Variants in INVS observed in about 807,000 individuals in gnomAD.
INVS encodes inversion of embryo turning homolog.
INVS carries 86 observed loss-of-function variants against 108.8 expected under a neutral mutation model. That is an observed-to-expected ratio of 0.79 (90% CI 0.66 to 0.95). INVS has a LOEUF of 0.95. INVS is among the 40% of genes least tolerant of loss of function. The probability of loss-of-function intolerance (pLI) is 0.00; values close to 1 mark genes in which losing one functional copy is unlikely to be tolerated. For synonymous variants in INVS, 455 were observed against 473.5 expected (o/e 0.96, Z 0.51); for missense variants, 1,169 against 1,297.4 (o/e 0.90, Z 1.52).
chr9:100,253,280 A>G, intron 10 of INVS, 144 bp downstream of exon 10: 1 of 658,944 alleles, frequency 1.5e-6, no homozygotes, highest in Non-Finnish European at 2.7e-6. Flanking sequence ...TTATTTGTCC[A>G]TGTTCTCTTC....
At chr9:100,142,180 A>T (rs2118951232) in intron 3 of INVS, among the ~76,000 whole-genome samples, 1 of 152,260 alleles carries the variant, frequency 6.6e-6, no homozygotes, top group South Asian at 2.1e-4. Flanking sequence ...TTAAAGAGGG[A>T]TTAATGATAG....
intron 14 of INVS, among the ~76,000 whole-genome samples, chr9:100,293,380 C>T (rs972701679): frequency 6.6e-6 from 1 of 152,176 alleles, no homozygotes; most frequent in Non-Finnish European, 1.5e-5. Context: ...TGACCCTCTG[C>T]TTCTTCATCT....
Position 100,292,555 on chromosome 9 carries a change from C to T in INVS, c.2298C>T (p.Ser766=). The T allele has an allele frequency of 6.2e-7, 1 of 1,614,152 alleles. No individual in the cohort carries two copies. Among genetic ancestry groups the T allele is most frequent in the South Asian group, 1.1e-5 (1 of 91,080 alleles). The change falls in exon 14 of 17, where the codon AGC becomes AGT. Residue 766 remains serine, a synonymous_variant. Coordinates refer to ENST00000262457, the MANE Select transcript of INVS (RefSeq NM_014425.5). Reference sequence around the variant, plus strand: ...AGGACTCCAGGCGGGCAGCTGCAAGCCTTCCACCGCACGATAGCCACTGGA... The same window carrying T: ...AGGACTCCAGGCGGGCAGCTGCAAGTCTTCCACCGCACGATAGCCACTGGA... ...KGEDSRRAAA[S]LPPHDSHWKP... is the part of the protein sequence containing the mutation.
intron 2 of INVS, among the ~76,000 whole-genome samples, chr9:100,106,777 A>G (rs1012417643): frequency 7.9e-5 from 12 of 152,184 alleles, no homozygotes; most frequent in African/African-American, 2.7e-4. Context: ...TTATAGTCAT[A>G]GCCCAGTCAG....
chr9:100,222,075 A>C (rs1050514419), intron 3 of INVS, among the ~76,000 whole-genome samples: 4 of 152,096 alleles, frequency 2.6e-5, no homozygotes, highest in African/African-American at 9.7e-5. Context: ...ACCTTTTCCT[A>C]ATCTTGGTTC....
At chr9:100,182,191 G>A (rs1829910276) in intron 3 of INVS, among the ~76,000 whole-genome samples, 1 of 152,220 alleles carries the variant, frequency 6.6e-6, no homozygotes, top group African/African-American at 2.4e-5. Context: ...ATACCATTCA[G>A]GACAGAGGCA....
intron 7 of INVS, among the ~76,000 whole-genome samples, chr9:100,245,541 A>G (rs1448986461): frequency 6.6e-6 from 1 of 152,024 alleles, no homozygotes; most frequent in South Asian, 2.1e-4. Context: ...CAGCCTCCCA[A>G]AGTGCTGGGA....
In INVS at chr9:100,234,628, T is replaced by C. The variant is rs556323785; in HGVS notation, c.615+4801T>C. Among the ~76,000 whole-genome samples, 60 of 152,322 alleles carry C rather than the reference T, an allele frequency of 3.9e-4. 1 individual carries two copies. The highest frequency in any genetic ancestry group is 8.3e-4 in the South Asian group (4 of 4,828). On this transcript the variant is annotated intron_variant, in intron 5 of 16. Transcript: ENST00000262457. ...TGCTTTTATTTCATTATTTGCTCAG[T>C]AGTCATTCAGGAGCAGGTTGTTCAG...
intron 5 of INVS, among the ~76,000 whole-genome samples, chr9:100,238,293 C>T (rs1293985160): frequency 6.6e-6 from 1 of 152,090 alleles, no homozygotes; most frequent in East Asian, 1.9e-4. Context: ...TATTTTGCTA[C>T]TTTCTGCCTT....
chr9:100,120,180 A>G (rs1272771767), intron 2 of INVS, among the ~76,000 whole-genome samples: 2 of 152,154 alleles, frequency 1.3e-5, no homozygotes, highest in Non-Finnish European at 2.9e-5. Flanking sequence ...ATTCAGACTT[A>G]TTGGTGCTGC....
intron 3 of INVS, among the ~76,000 whole-genome samples, chr9:100,191,378 A>C (rs1588077053): frequency 6.6e-6 from 1 of 152,034 alleles, no homozygotes; most frequent in East Asian, 1.9e-4. Context: ...CATTTCTTTT[A>C]ATTATATTTT....
At chr9:100,225,524 G>A (rs993513812) in intron 3 of INVS, among the ~76,000 whole-genome samples, 2 of 151,986 alleles carry the variant, frequency 1.3e-5, no homozygotes, top group African/African-American at 2.4e-5. Context: ...TGCTTATTTC[G>A]CATTATTACA....
intron 3 of INVS, among the ~76,000 whole-genome samples, chr9:100,220,222 T>A (rs1831103519): frequency 6.6e-6 from 1 of 152,126 alleles, no homozygotes; most frequent in Admixed American, 6.5e-5. Flanking sequence ...GTTTCCCAGA[T>A]TCCTTTCAAG....
At chr9:100,161,643 A>C (rs185290822) in intron 3 of INVS, among the ~76,000 whole-genome samples, 10 of 152,024 alleles carry the variant, frequency 6.6e-5, no homozygotes, top group Admixed American at 2.0e-4. Context: ...GGATGGATGG[A>C]TGGGTGGGTG....
At chr9:100,175,637 T>A in intron 3 of INVS, 1 of 662,540 alleles carries the variant, frequency 1.5e-6, no homozygotes, top group South Asian at 1.6e-5. Flanking sequence ...ATGGTGTGAC[T>A]CCAAAGGCCT....
At chr9:100,131,760 C>A (rs2118913835) in intron 3 of INVS, 2 of 215,666 alleles carry the variant, frequency 9.3e-6, no homozygotes, top group South Asian at 1.6e-4. Context: ...CAAATTATAT[C>A]ACAGTAAACA....
chr9:100,243,990 G>A (rs1372356911), intron 7 of INVS, among the ~76,000 whole-genome samples: 1 of 152,068 alleles, frequency 6.6e-6, no homozygotes. Flanking sequence ...CAGCCTGGGC[G>A]ACAGAGCAAG....
At chr9:100,244,341 A>G in intron 7 of INVS, among the ~76,000 whole-genome samples, 1 of 152,186 alleles carries the variant, frequency 6.6e-6, no homozygotes, top group East Asian at 1.9e-4. Flanking sequence ...AGCTCAACCC[A>G]TAAATCAACA....
chr9:100,266,299 G>A (rs1832791253), intron 11 of INVS, among the ~76,000 whole-genome samples: 1 of 152,166 alleles, frequency 6.6e-6, no homozygotes, highest in Non-Finnish European at 1.5e-5. Context: ...GCAGTGCAAA[G>A]TGAAAGCAAG....
Sources: gnomAD v4.1 joint callset for allele counts (sites outside exome capture counted in the v4.1 genomes callset) on GRCh38, gnomAD v4.1.1 for gene constraint, MANE v1.5 for transcripts, NCBI Gene and HGNC (gene_info 2026-07-23, HGNC 2026-07-21) for gene names.